LARGE1: variants seen among roughly 807,000 people sequenced by gnomAD.
LARGE1 encodes xylosyl- and glucuronyltransferase LARGE1.
LARGE1 carries 43 observed loss-of-function variants against 87.6 expected under a neutral mutation model. The ratio of observed to expected loss-of-function variants is 0.49; its 90% CI spans 0.38 to 0.63. LARGE1 has a LOEUF of 0.63. LARGE1 is among the 30% of genes least tolerant of loss of function. The pLI is 0.00. For synonymous variants in LARGE1, 434 were observed against 394.6 expected (o/e 1.10, Z -1.18); for missense variants, 802 against 1,000.2 (o/e 0.80, Z 2.67).
At chr22:33,202,098 G>A (rs980797131) in intron 11 of LARGE1, among the ~76,000 whole-genome samples, 4 of 137,872 alleles carry the variant, frequency 2.9e-5, no homozygotes, top group Non-Finnish European at 6.5e-5. Context: ...ATCACATCAC[G>A]GCATGATAAA....
intron 11 of LARGE1, among the ~76,000 whole-genome samples, chr22:33,263,782 C>T (rs1217733802): frequency 1.3e-5 from 2 of 152,194 alleles, no homozygotes; most frequent in Non-Finnish European, 2.9e-5. Flanking sequence ...AATACACTCC[C>T]CATGGACATG....
Position 33,274,290 on chromosome 22 carries a change from A to G in LARGE1, c.*137T>C. The G allele has an allele frequency of 1.1e-6, 1 of 882,620 alleles. No homozygotes were observed. The allele number at this position is 882,620 out of a possible 1,614,324, so 54.7% of individuals were successfully genotyped here. On this transcript the variant is annotated 3_prime_UTR_variant, in exon 15 of 15. Transcript: ENST00000397394. Reference sequence around the variant, plus strand: ...TGTCCAAGGTCTCTGTAGTGAGGGCAGCTTGGCTGGGCCAAAGAGATAAAT... The same window carrying G: ...TGTCCAAGGTCTCTGTAGTGAGGGCGGCTTGGCTGGGCCAAAGAGATAAAT...
chr22:33,240,573 T>C (rs945078308), intron 11 of LARGE1, among the ~76,000 whole-genome samples: 5 of 152,216 alleles, frequency 3.3e-5, no homozygotes, highest in African/African-American at 1.2e-4. Context: ...GTCTTGATAA[T>C]GGTAAGTTTT....
chr22:33,419,606 C>G (rs950297542), intron 7 of LARGE1, among the ~76,000 whole-genome samples: 4 of 152,128 alleles, frequency 2.6e-5, no homozygotes, highest in African/African-American at 9.7e-5. Flanking sequence ...GAATCCAATT[C>G]CCTCAAAACT....
chr22:33,866,233 G>A (rs1365999359), intron 1 of LARGE1, among the ~76,000 whole-genome samples: 2 of 152,074 alleles, frequency 1.3e-5, no homozygotes, highest in Non-Finnish European at 2.9e-5. Flanking sequence ...CTAAAGCACT[G>A]GGATTATAGG....
chr22:33,135,600 G>C, the LARGE1 span, among the ~76,000 whole-genome samples: 1 of 152,168 alleles, frequency 6.6e-6, no homozygotes, highest in African/African-American at 2.4e-5. Flanking sequence ...AGCACTTTGG[G>C]AGACGGAGGT....
chr22:33,184,901 AC>A (rs1393358326), intron 11 of LARGE1, among the ~76,000 whole-genome samples: 3 of 152,138 alleles, frequency 2.0e-5, no homozygotes, highest in Admixed American at 2.0e-4. Flanking sequence ...GAAAACATTA[AC>A]CATATCGAAT....
At chr22:33,219,092 C>G (rs1925341207) in intron 11 of LARGE1, among the ~76,000 whole-genome samples, 1 of 152,196 alleles carries the variant, frequency 6.6e-6, no homozygotes, top group African/African-American at 2.4e-5. Flanking sequence ...GAATATCCAC[C>G]TGGAAGCACC....
In LARGE1 at chr22:33,679,513, T is replaced by C. The variant is rs181265737; in HGVS notation, c.107-28845A>G. ...ACACGAAGAATGCCTTGTGAAGACT[T>C]GGAGTCATGCTGCCACAAGCCAAAG... On this transcript the variant is annotated intron_variant, in intron 2 of 14. Transcript: ENST00000397394. Among the ~76,000 whole-genome samples, 9 of 151,984 alleles carry C rather than the reference T, an allele frequency of 5.9e-5. No individual in the cohort carries two copies. The East Asian group carries it at 1.7e-3, about 29-fold the overall frequency.
chr22:33,597,093 C>T (rs1179143638), intron 5 of LARGE1, among the ~76,000 whole-genome samples: 1 of 152,110 alleles, frequency 6.6e-6, no homozygotes, highest in Non-Finnish European at 1.5e-5. Flanking sequence ...CTGCTCCAGC[C>T]TTATGAGAGC....
chr22:33,564,327 C>T (rs929074155), intron 6 of LARGE1, among the ~76,000 whole-genome samples: 13 of 152,042 alleles, frequency 8.6e-5, no homozygotes, highest in South Asian at 2.1e-4. Context: ...GAGGCCGTGA[C>T]GAGAGTTACA....
intron 2 of LARGE1, among the ~76,000 whole-genome samples, chr22:33,655,834 A>G (rs1484423980): frequency 6.6e-6 from 1 of 152,210 alleles, no homozygotes; most frequent in Non-Finnish European, 1.5e-5. Flanking sequence ...CTAGTTATTT[A>G]AAAAGACATC....
intron 5 of LARGE1, among the ~76,000 whole-genome samples, chr22:33,601,307 AGGGGAGGT>A (rs1569303679): frequency 6.6e-6 from 1 of 152,054 alleles, no homozygotes; most frequent in East Asian, 1.9e-4. Flanking sequence ...AGGTAGGTGT[AGGGGAGGT>A]GGAGCCACGC....
At chr22:33,917,869 A>G (rs2146999943) in intron 1 of LARGE1, among the ~76,000 whole-genome samples, 1 of 152,294 alleles carries the variant, frequency 6.6e-6, no homozygotes, top group East Asian at 1.9e-4. Context: ...GATAAACCAC[A>G]GTCTCACGAA....
rs191182770 is a variant in LARGE1 at position 33,823,895 on chromosome 22, C to T, written c.-82-62337G>A. 1.8e-4 allele frequency among the ~76,000 whole-genome samples: 27 copies of T among 152,272 alleles called. No homozygotes were observed. The East Asian group carries it at 5.0e-3, about 28-fold the overall frequency. ...TTCACAGTTACCCGAGAGCACCACC[C>T]CACAGCCCAGTGATGGTTCATTCCT... On this transcript the variant is annotated intron_variant, in intron 1 of 14. Transcript: ENST00000397394.
chr22:33,627,991 C>T (rs1386798058), intron 3 of LARGE1, among the ~76,000 whole-genome samples: 1 of 152,136 alleles, frequency 6.6e-6, no homozygotes, highest in African/African-American at 2.4e-5. Context: ...AACCATCACC[C>T]CACTCTGCTC....
intron 11 of LARGE1, among the ~76,000 whole-genome samples, chr22:33,239,540 T>C (rs113346975): frequency 0.036 from 4,778 of 132,936 alleles, 189 homozygotes; most frequent in African/African-American, 0.13. Flanking sequence ...CTTTTCTTTT[T>C]TTTTTTTTTT....
At chr22:33,660,071 T>C (rs1475500255) in intron 2 of LARGE1, among the ~76,000 whole-genome samples, 1 of 106,038 alleles carries the variant, frequency 9.4e-6, no homozygotes, top group Non-Finnish European at 1.8e-5. Context: ...AATGTTTTGT[T>C]GTGTGTGTGT....
At chr22:33,328,002 A>T (rs968672864) in intron 10 of LARGE1, among the ~76,000 whole-genome samples, 8 of 152,188 alleles carry the variant, frequency 5.3e-5, no homozygotes, top group African/African-American at 1.9e-4. Context: ...AATAAAACAG[A>T]TAAAAAGCCC....
Sources: gnomAD v4.1 joint callset for allele counts (sites outside exome capture counted in the v4.1 genomes callset) on GRCh38, gnomAD v4.1.1 for gene constraint, MANE v1.5 for transcripts, NCBI Gene and HGNC (gene_info 2026-07-23, HGNC 2026-07-21) for gene names.